The following DCLK1 variants were observed in gnomAD, a reference collection of about 807,000 sequenced individuals.
DCLK1 encodes the protein doublecortin like kinase 1.
DCLK1 carries 16 observed loss-of-function variants against 86.2 expected under a neutral mutation model. That is an observed-to-expected ratio of 0.19 (90% CI 0.13 to 0.28). The LOEUF is 0.28. DCLK1 is among the 10% of genes least tolerant of loss of function. The pLI is 1.00. For missense variants in DCLK1, 590 were observed against 940.2 expected, an observed-to-expected ratio of 0.63 and a Z score of 4.87; for synonymous variants, 369 against 370.5, an observed-to-expected ratio of 1.00 and a Z score of 0.05.
chr13:36,088,450 T>C (rs1470762551), intron 3 of DCLK1, among the ~76,000 whole-genome samples: 4 of 152,232 alleles, frequency 2.6e-5, no homozygotes, highest in African/African-American at 7.2e-5. Context: ...TCTTCCTTTA[T>C]GTAAAAGCCT....
At chr13:35,955,226 C>T (rs1877915356) in intron 3 of DCLK1, among the ~76,000 whole-genome samples, 2 of 151,916 alleles carry the variant, frequency 1.3e-5, no homozygotes, top group Admixed American at 6.6e-5. Context: ...ACATTTCATT[C>T]TCTTTTTAAA....
intron 14 of DCLK1, among the ~76,000 whole-genome samples, chr13:35,806,063 G>A (rs561514382): frequency 6.6e-6 from 1 of 152,060 alleles, no homozygotes; most frequent in South Asian, 2.1e-4. Context: ...TACAAGTTAA[G>A]GAATTAATAT....
chr13:35,934,083 A>G (rs887918998), intron 4 of DCLK1, among the ~76,000 whole-genome samples: 5 of 152,150 alleles, frequency 3.3e-5, no homozygotes, highest in African/African-American at 1.2e-4. Flanking sequence ...GGTCAGGGGG[A>G]AAATGCTGTC....
chr13:35,844,763 G>A (rs1000361418), intron 6 of DCLK1, among the ~76,000 whole-genome samples: 1 of 152,134 alleles, frequency 6.6e-6, no homozygotes, highest in Non-Finnish European at 1.5e-5. Flanking sequence ...TATAAATTTG[G>A]AAACATTCCT....
chr13:35,869,505 T>C (rs555477858), intron 5 of DCLK1, among the ~76,000 whole-genome samples: 1 of 152,248 alleles, frequency 6.6e-6, no homozygotes, highest in Non-Finnish European at 1.5e-5. Flanking sequence ...TGGACATTGC[T>C]ACTTGGAGGC....
intron 3 of DCLK1, among the ~76,000 whole-genome samples, chr13:36,085,030 T>A (rs923499387): frequency 6.6e-6 from 1 of 152,204 alleles, no homozygotes; most frequent in Non-Finnish European, 1.5e-5. Context: ...TAATAACAGA[T>A]GTTTTAAGTA....
chr13:35,956,664 G>C (rs934481165), intron 3 of DCLK1, among the ~76,000 whole-genome samples: 9 of 152,304 alleles, frequency 5.9e-5, no homozygotes, highest in African/African-American at 1.7e-4. Flanking sequence ...CATAAACACA[G>C]GACCAACCAG....
chr13:35,881,991 T>C (rs887488379), intron 4 of DCLK1, among the ~76,000 whole-genome samples: 2 of 152,212 alleles, frequency 1.3e-5, no homozygotes, highest in African/African-American at 4.8e-5. Context: ...TTTATCTTTT[T>C]TCCAAAGTGT....
chr13:35,848,654 G>A, intron 6 of DCLK1: 2 of 985,260 alleles, frequency 2.0e-6, no homozygotes, highest in Non-Finnish European at 1.2e-6. Context: ...AGCATTTATT[G>A]GACCTTTCTA....
intron 3 of DCLK1, among the ~76,000 whole-genome samples, chr13:36,006,068 G>A (rs949897285): frequency 3.9e-5 from 6 of 152,064 alleles, no homozygotes; most frequent in African/African-American, 1.2e-4. Context: ...TAATGCATGC[G>A]GGGCTTAAAA....
intron 4 of DCLK1, among the ~76,000 whole-genome samples, chr13:35,911,138 A>C (rs199915010): frequency 7.3e-5 from 11 of 150,568 alleles, no homozygotes; most frequent in African/African-American, 2.7e-4. Context: ...AAAAAAAAAA[A>C]AAAAAACTAG....
chr13:36,070,925 G>T (rs540836783), intron 3 of DCLK1, among the ~76,000 whole-genome samples: 15 of 152,228 alleles, frequency 9.9e-5, no homozygotes, highest in African/African-American at 3.4e-4. Flanking sequence ...GATTACAGGC[G>T]TGAGCCACCG....
chr13:35,780,114 G>C (rs1331601987), intron 16 of DCLK1, among the ~76,000 whole-genome samples: 1 of 152,018 alleles, frequency 6.6e-6, no homozygotes, highest in East Asian at 1.9e-4. Context: ...GAGTCCTCAA[G>C]AGTCAACTTG....
chr13:35,963,382 A>G (rs1176468384), intron 3 of DCLK1, among the ~76,000 whole-genome samples: 1 of 151,996 alleles, frequency 6.6e-6, no homozygotes, highest in Non-Finnish European at 1.5e-5. Context: ...TTTACTAGAC[A>G]CTCTTATTGA....
At chr13:35,824,434 C>T (rs1033570391) in intron 10 of DCLK1, among the ~76,000 whole-genome samples, 3 of 152,142 alleles carry the variant, frequency 2.0e-5, no homozygotes, top group Admixed American at 6.5e-5. Flanking sequence ...CCTGCCTTGG[C>T]CTCCCAAAAT....
intron 3 of DCLK1, among the ~76,000 whole-genome samples, chr13:36,013,654 G>C: frequency 6.6e-6 from 1 of 152,180 alleles, no homozygotes; most frequent in Non-Finnish European, 1.5e-5. Context: ...GGACATTTAA[G>C]TCTGCAGAGG....
At chr13:36,005,131 A>G (rs559390729) in intron 3 of DCLK1, among the ~76,000 whole-genome samples, 52 of 152,112 alleles carry the variant, frequency 3.4e-4, no homozygotes, top group Non-Finnish European at 6.5e-4. Context: ...GCAGTCAAAA[A>G]CCGCATTTAC....
intron 15 of DCLK1, among the ~76,000 whole-genome samples, chr13:35,804,952 C>A (rs2153101780): frequency 6.6e-6 from 1 of 152,234 alleles, no homozygotes; most frequent in Non-Finnish European, 1.5e-5. Context: ...AACAGGCTCT[C>A]CAGGTGATTT....
intron 3 of DCLK1, among the ~76,000 whole-genome samples, chr13:36,086,656 T>A (rs1490689626): frequency 3.9e-5 from 6 of 152,024 alleles, no homozygotes; most frequent in African/African-American, 1.4e-4. Context: ...GTGTGTGATG[T>A]TCCCCTCCCT....
Sources: allele counts gnomAD v4.1 joint callset (sites outside exome capture counted in the v4.1 genomes callset), GRCh38; gene constraint gnomAD v4.1.1; transcripts MANE v1.5; gene names NCBI Gene and HGNC (gene_info 2026-07-23, HGNC 2026-07-21).